Variants in RPS6KA2 observed in about 807,000 individuals in gnomAD.
RPS6KA2 encodes the protein ribosomal protein S6 kinase alpha-2.
In RPS6KA2, 42 loss-of-function variants were observed where a neutral mutation model predicts 91.8. The observed-to-expected ratio is 0.46, with a 90% CI of 0.36 to 0.59. RPS6KA2 has a LOEUF of 0.59. Ranked by LOEUF, RPS6KA2 falls within the 20% of genes least tolerant of loss-of-function variation. The probability of loss-of-function intolerance (pLI) is 0.00; values close to 1 mark genes in which losing one functional copy is unlikely to be tolerated. For missense variants in RPS6KA2, 798 were observed against 978.5 expected (o/e 0.82, Z 2.46); for synonymous variants, 414 against 393.6 (o/e 1.05, Z -0.61).
chr6:166,531,658 T>C (rs1583247505), intron 2 of RPS6KA2, among the ~76,000 whole-genome samples: 1 of 152,290 alleles, frequency 6.6e-6, no homozygotes, highest in East Asian at 1.9e-4. Context: ...GGTTTGAGTA[T>C]CCCTCTGTAA....
chr6:166,828,939 T>C (rs1179524008), intron 2 of RPS6KA2, among the ~76,000 whole-genome samples: 1 of 151,704 alleles, frequency 6.6e-6, no homozygotes, highest in Non-Finnish European at 1.5e-5. Flanking sequence ...AGATAAGGGG[T>C]TAATATCTGG....
At chr6:166,456,173 A>T (rs1335508621) in intron 12 of RPS6KA2, among the ~76,000 whole-genome samples, 2 of 152,196 alleles carry the variant, frequency 1.3e-5, no homozygotes, top group African/African-American at 4.8e-5. Context: ...GCCTCTCCTC[A>T]CACAGACCAA....
intron 1 of RPS6KA2, among the ~76,000 whole-genome samples, chr6:166,540,281 T>C (rs975464100): frequency 6.6e-6 from 1 of 152,194 alleles, no homozygotes. Flanking sequence ...TTTACCTCCA[T>C]GTCACAAATA....
chr6:166,559,580 A>C (rs1255423055), intron 1 of RPS6KA2, among the ~76,000 whole-genome samples: 1 of 152,220 alleles, frequency 6.6e-6, no homozygotes, highest in Non-Finnish European at 1.5e-5. Context: ...CTGGTGAGTA[A>C]GTTTCAGTAA....
intron 2 of RPS6KA2, among the ~76,000 whole-genome samples, chr6:166,675,887 T>A (rs1378588046): frequency 6.6e-6 from 1 of 152,222 alleles, no homozygotes; most frequent in Non-Finnish European, 1.5e-5. Flanking sequence ...CTCTGTTCCC[T>A]GAGTTCTATA....
intron 2 of RPS6KA2, among the ~76,000 whole-genome samples, chr6:166,833,127 C>T (rs996681882): frequency 6.6e-6 from 1 of 152,132 alleles, no homozygotes; most frequent in African/African-American, 2.4e-5. Context: ...ATCCTCACAA[C>T]CATGAAGAAA....
chr6:166,446,577 G>A (rs1270512747), intron 14 of RPS6KA2, among the ~76,000 whole-genome samples: 1 of 152,150 alleles, frequency 6.6e-6, no homozygotes, highest in Admixed American at 6.5e-5. Flanking sequence ...ACCTCAACAA[G>A]ATCTTTGAGG....
rs62440473 is a variant in RPS6KA2, at chr6:166,522,168, G to A, written c.298+9064C>T. On this transcript the variant is annotated intron_variant, in intron 3 of 20. Coordinates refer to ENST00000265678, the MANE Select transcript of RPS6KA2 (RefSeq NM_021135.6). The stretch of plus-strand genomic sequence containing the variant: ...TATCTGCCTGAATGAACTAAGACAC[G>A]TATCGTATCATATTATAGCATACTG... Among the ~76,000 whole-genome samples the A allele has an allele frequency of 5.6e-3, 852 of 152,298 alleles. 1 individual carries two copies. The highest frequency in any genetic ancestry group is 8.7e-3 in the Non-Finnish European group (591 of 68,014).
chr6:166,510,552 CTCATATATATAT>C lies in RPS6KA2; in HGVS notation c.299-207_299-196del, dbSNP rs1372549785. ...GTTTTAATACATTTGCTTTCTCTCTCTCATATATATATATATATATATATATATATATATATA... is the reference window on the plus strand; with the variant it reads ...GTTTTAATACATTTGCTTTCTCTCTCATATATATATATATATATATATATA... On this transcript the variant is annotated intron_variant, in intron 3 of 20. Transcript: ENST00000265678. 5.9e-4 allele frequency among the ~76,000 whole-genome samples: 39 copies of C among 66,524 alleles called. 3 individuals are homozygous for C. The highest frequency in any genetic ancestry group is 2.0e-3 in the African/African-American group (37 of 18,272). 43.6% of individuals were successfully genotyped at this position (66,524 alleles called of 152,430 possible).
At chr6:166,771,545 C>T (rs1778473042) in intron 2 of RPS6KA2, among the ~76,000 whole-genome samples, 2 of 152,176 alleles carry the variant, frequency 1.3e-5, no homozygotes, top group Admixed American at 1.3e-4. Flanking sequence ...ACAACGGCTA[C>T]CCTTACTGCG....
Position 166,769,860 on chromosome 6 carries a change from C to A in RPS6KA2, c.123+88340G>T, listed in dbSNP as rs142307044. On this transcript the variant is annotated intron_variant, in intron 2 of 21. Coordinates refer to the RPS6KA2 transcript ENST00000503859. Reference sequence around the variant, plus strand: ...CTTGTGCAGTGCCCTCCCTGGGCAGCTCCGAGGGCCACCCACTGCCCAGCA... The same window carrying A: ...CTTGTGCAGTGCCCTCCCTGGGCAGATCCGAGGGCCACCCACTGCCCAGCA... Among the ~76,000 whole-genome samples the A allele has an allele frequency of 9.8e-3, 1,498 of 152,340 alleles. 31 individuals are homozygous for A. Among genetic ancestry groups the A allele is most frequent in the African/African-American group, 0.034 (1,419 of 41,580 alleles).
intron 2 of RPS6KA2, among the ~76,000 whole-genome samples, chr6:166,804,793 G>T (rs956684633): frequency 1.3e-5 from 2 of 152,072 alleles, no homozygotes; most frequent in Non-Finnish European, 2.9e-5. Context: ...GAACACAAAT[G>T]ATCTGTGTAA....
intron 2 of RPS6KA2, among the ~76,000 whole-genome samples, chr6:166,698,006 G>A (rs1789404426): frequency 6.6e-6 from 1 of 152,096 alleles, no homozygotes; most frequent in Admixed American, 6.5e-5. Flanking sequence ...AGAGTCGATA[G>A]TTAAATCTCT....
At chr6:166,731,794 C>CA (rs912570435) in intron 2 of RPS6KA2, among the ~76,000 whole-genome samples, 4 of 152,248 alleles carry the variant, frequency 2.6e-5, no homozygotes, top group Admixed American at 1.3e-4. Flanking sequence ...GAAGCTCCAC[C>CA]ACCTAGATAG....
At position 166,508,605 on chromosome 6, in the gene RPS6KA2, A is replaced by G. The variant is rs411236; in HGVS notation, c.380-323T>C. On this transcript the variant is annotated intron_variant, in intron 4 of 20. Coordinates refer to ENST00000265678, the MANE Select transcript of RPS6KA2 (RefSeq NM_021135.6). This position sits in a 1 kb window ranked among gnomAD's most constrained non-coding sequence, Gnocchi z 4.3. ...GAAAGATGTGAATATTTAAGCTGGT[A>G]TCGTTGCTGGCTTTTGTCGTAATGC... Among the ~76,000 whole-genome samples, 108,683 of 152,018 alleles carry G rather than the reference A, an allele frequency of 0.71. 38,973 individuals carry two copies. Among genetic ancestry groups the G allele is most frequent in the Admixed American group, 0.75 (11,461 of 15,286 alleles).
chr6:166,690,937 G>C (rs908349705), intron 2 of RPS6KA2, among the ~76,000 whole-genome samples: 4 of 151,982 alleles, frequency 2.6e-5, no homozygotes, highest in Non-Finnish European at 5.9e-5. Context: ...TTTTATAAAG[G>C]ACATTAATTA....
At chr6:166,512,826 C>T (rs533350969) in intron 3 of RPS6KA2, among the ~76,000 whole-genome samples, 3 of 152,326 alleles carry the variant, frequency 2.0e-5, no homozygotes, top group South Asian at 2.1e-4. Context: ...CACACTGTGC[C>T]GCTTCAGGTG....
In RPS6KA2 at chr6:166,472,978, A is replaced by G. The variant is rs370916973; in HGVS notation, c.908-3073T>C. ...CAAATAGGAGTTCAAGGTTCAGGGG[A>G]ACAGAAGATTCAAGAATCACACTTC... On this transcript the variant is annotated intron_variant, in intron 10 of 20. Coordinates refer to ENST00000265678, the MANE Select transcript of RPS6KA2 (RefSeq NM_021135.6). 1.6e-4 allele frequency among the ~76,000 whole-genome samples: 25 copies of G among 152,298 alleles called. 1 individual carries two copies. The highest frequency in any genetic ancestry group is 5.8e-4 in the African/African-American group (24 of 41,562).
intron 1 of RPS6KA2, among the ~76,000 whole-genome samples, chr6:166,559,354 G>A (rs557839889): frequency 2.6e-4 from 39 of 152,278 alleles, no homozygotes; most frequent in Middle Eastern, 3.4e-3. Flanking sequence ...CATGACATAC[G>A]AATTTTGTCA....
Sources: gnomAD v4.1 joint callset for allele counts (sites outside exome capture counted in the v4.1 genomes callset) on GRCh38, gnomAD v4.1.1 for gene constraint, Gnocchi (gnomAD v3.1) non-coding constraint, MANE v1.5 for transcripts, NCBI Gene and HGNC (gene_info 2026-07-23, HGNC 2026-07-21) for gene names.